The following HECW2 variants were observed in gnomAD, a reference collection of about 807,000 sequenced individuals.
HECW2 encodes the protein HECT, C2 and WW domain containing E3 ubiquitin protein ligase 2.
HECW2 carries 61 observed loss-of-function variants against 175.2 expected under a neutral mutation model. That is an observed-to-expected ratio of 0.35 (90% CI 0.28 to 0.43). The LOEUF (loss-of-function observed/expected upper bound fraction) is 0.43, where lower values mean the gene tolerates loss of function less well. Ranked by LOEUF, HECW2 falls within the 20% of genes least tolerant of loss-of-function variation. The pLI is 1.00. For missense variants in HECW2, 1,524 were observed against 2,000.5 expected, an observed-to-expected ratio of 0.76 and a Z score of 4.54; for synonymous variants, 671 against 731.0, an observed-to-expected ratio of 0.92 and a Z score of 1.32.
At chr2:196,577,308 T>C (rs1431580713) in intron 1 of HECW2, among the ~76,000 whole-genome samples, 2 of 152,226 alleles carry the variant, frequency 1.3e-5, no homozygotes, top group South Asian at 2.1e-4. Flanking sequence ...TCTAATTATG[T>C]TGTTTTTCTA....
chr2:196,315,075 C>CA (rs2105740665), intron 10 of HECW2, among the ~76,000 whole-genome samples: 1 of 152,044 alleles, frequency 6.6e-6, no homozygotes, highest in Non-Finnish European at 1.5e-5. Context: ...GCTCAGATCA[C>CA]AATCCAAAAC....
intron 28 of HECW2, among the ~76,000 whole-genome samples, chr2:196,202,912 A>G (rs947934300): frequency 6.6e-6 from 1 of 152,192 alleles, no homozygotes; most frequent in Non-Finnish European, 1.5e-5. Context: ...TAAACATGAA[A>G]TTCATTTACG....
chr2:196,276,389 G>T (rs1412164533), intron 15 of HECW2, among the ~76,000 whole-genome samples: 1 of 152,164 alleles, frequency 6.6e-6, no homozygotes, highest in Admixed American at 6.5e-5. Flanking sequence ...ACTACTACTA[G>T]ACCATGAAAA....
At chr2:196,336,057 T>C (rs1692539464) in intron 3 of HECW2, among the ~76,000 whole-genome samples, 1 of 152,062 alleles carries the variant, frequency 6.6e-6, no homozygotes, top group South Asian at 2.1e-4. Context: ...ACAGGTCTAA[T>C]GGATGAGCAA....
intron 2 of HECW2, among the ~76,000 whole-genome samples, chr2:196,356,635 AAAGAAG>A (rs956187555): frequency 6.6e-6 from 1 of 152,330 alleles, no homozygotes; most frequent in East Asian, 1.9e-4. Flanking sequence ...ATCATCACAA[AAAGAAG>A]AAGAAGGGTG....
At chr2:196,397,023 G>A (rs937450408) in intron 2 of HECW2, among the ~76,000 whole-genome samples, 3 of 152,142 alleles carry the variant, frequency 2.0e-5, no homozygotes, top group African/African-American at 7.2e-5. Flanking sequence ...TGAGGCAGGA[G>A]AAGGAGTGAA....
intron 17 of HECW2, chr2:196,263,912 G>T (rs535871945): frequency 6.6e-6 from 1 of 152,272 alleles, no homozygotes; most frequent in African/African-American, 2.4e-5. Flanking sequence ...AAACTATTGA[G>T]TATATTATTA....
intron 2 of HECW2, chr2:196,362,160 T>C (rs1193879294): frequency 2.0e-6 from 2 of 985,448 alleles, no homozygotes; most frequent in Non-Finnish European, 2.4e-6. Context: ...GACTTATCAC[T>C]GTCCAGGCAT....
chr2:196,519,161 G>T (rs554080816), intron 1 of HECW2, among the ~76,000 whole-genome samples: 9 of 152,286 alleles, frequency 5.9e-5, no homozygotes, highest in Non-Finnish European at 1.3e-4. Context: ...CCATGCTATA[G>T]GTGAGGAAAC....
chr2:196,369,048 G>A (rs1693834055), intron 2 of HECW2, among the ~76,000 whole-genome samples: 1 of 152,080 alleles, frequency 6.6e-6, no homozygotes, highest in African/African-American at 2.4e-5. Flanking sequence ...GTTCTTCAGG[G>A]TCTGGGCTTT....
chr2:196,449,630 A>T (rs1486803294), intron 1 of HECW2, among the ~76,000 whole-genome samples: 1 of 152,250 alleles, frequency 6.6e-6, no homozygotes, highest in East Asian at 1.9e-4. Context: ...ATTAAAATCT[A>T]TTCAAAGAAA....
At chr2:196,209,933 T>C (rs1687212749) in intron 28 of HECW2, among the ~76,000 whole-genome samples, 1 of 151,932 alleles carries the variant, frequency 6.6e-6, no homozygotes, top group Non-Finnish European at 1.5e-5. Flanking sequence ...CCGGCCAACT[T>C]TTTGTATTTT....
In HECW2 at chr2:196,194,769, T is replaced by C. The variant is rs995522811; in HGVS notation, c.*6508A>G. On this transcript the variant is annotated 3_prime_UTR_variant, in exon 29 of 29. Transcript: ENST00000644978. ...CATCAAAAGTCACATTAAATAAATA[T>C]GAAGCTTAAATCAACGCAAAAACTG... The C allele has an allele frequency of 1.3e-5, 2 of 152,168 alleles. No homozygotes were observed. The highest frequency in any genetic ancestry group is 6.5e-5 in the Admixed American group (1 of 15,280). 9.4% of individuals were successfully genotyped at this position (152,168 alleles called of 1,614,324 possible). A position where few individuals can be genotyped will look rare whatever the true frequency, so the allele number is the denominator to read the frequency against.
intron 1 of HECW2, among the ~76,000 whole-genome samples, chr2:196,486,334 C>A (rs1224683265): frequency 6.6e-6 from 1 of 152,194 alleles, no homozygotes; most frequent in African/African-American, 2.4e-5. Flanking sequence ...TTGCATGTTT[C>A]CTAACCTTGA....
chr2:196,326,233 G>A (rs1354313777), intron 5 of HECW2, among the ~76,000 whole-genome samples: 1 of 152,058 alleles, frequency 6.6e-6, no homozygotes, highest in Non-Finnish European at 1.5e-5. Context: ...GAAATACAAG[G>A]TCTTTCTTAG....
At chr2:196,467,351 G>C (rs531805026) in intron 1 of HECW2, among the ~76,000 whole-genome samples, 1 of 152,014 alleles carries the variant, frequency 6.6e-6, no homozygotes. Context: ...GAATCAAACT[G>C]CTTGGTATAG....
intron 17 of HECW2, among the ~76,000 whole-genome samples, chr2:196,258,679 A>G (rs1483504502): frequency 3.3e-5 from 5 of 152,018 alleles, no homozygotes; most frequent in Non-Finnish European, 7.4e-5. Context: ...TTTTTTTCCT[A>G]GTTGCTTTCT....
At chr2:196,254,258 TTATTTTAC>T (rs1259481159) in intron 18 of HECW2, among the ~76,000 whole-genome samples, 1 of 152,222 alleles carries the variant, frequency 6.6e-6, no homozygotes. Context: ...CAACGTGACT[TTATTTTAC>T]TATTTCAACA....
intron 2 of HECW2, chr2:196,362,108 C>T (rs938925993): frequency 1.0e-4 from 102 of 985,154 alleles, no homozygotes; most frequent in Non-Finnish European, 1.2e-4. Context: ...AGGCTCCTGT[C>T]CAGTATGAAT....
Sources: allele counts gnomAD v4.1 joint callset (sites outside exome capture counted in the v4.1 genomes callset), GRCh38; gene constraint gnomAD v4.1.1; transcripts MANE v1.5; gene names NCBI Gene and HGNC (gene_info 2026-07-23, HGNC 2026-07-21).